The following ADAM22 variants were observed in gnomAD, a reference collection of about 807,000 sequenced individuals.
ADAM22 encodes the protein disintegrin and metalloproteinase domain-containing protein 22.
In ADAM22, 65 loss-of-function variants were observed where a neutral mutation model predicts 144.6. The ratio of observed to expected loss-of-function variants is 0.45; its 90% CI spans 0.37 to 0.55. The LOEUF is 0.55. ADAM22 is among the 20% of genes least tolerant of loss of function. The pLI is 0.00. For synonymous variants in ADAM22, 391 were observed against 412.6 expected (o/e 0.95, Z 0.63); for missense variants, 974 against 1,184.9 (o/e 0.82, Z 2.61).
chr7:87,996,652 A>G lies in ADAM22; in HGVS notation c.323+18240A>G, dbSNP rs2237538. Among the ~76,000 whole-genome samples the G allele has an allele frequency of 5.8e-3, 880 of 152,340 alleles. 13 individuals are homozygous for G. The highest frequency in any genetic ancestry group is 0.046 in the East Asian group (236 of 5,182). ...TGATCAGTGCAAGAGTTCATATAGAAAAAGGTTTACCCCATAAATTCTGGG... is the reference window on the plus strand; with the variant it reads ...TGATCAGTGCAAGAGTTCATATAGAGAAAGGTTTACCCCATAAATTCTGGG... On this transcript the variant is annotated intron_variant, in intron 3 of 31. Coordinates refer to ENST00000413139, the MANE Select transcript of ADAM22 (RefSeq NM_001324418.2).
chr7:87,964,565 A>G (rs1848637908), intron 2 of ADAM22: 5 of 381,328 alleles, frequency 1.3e-5, no homozygotes, highest in South Asian at 6.2e-5. Context: ...TAATTTGATT[A>G]TTTTTCAACC....
intron 4 of ADAM22, among the ~76,000 whole-genome samples, chr7:88,095,875 T>C (rs1003843041): frequency 1.3e-5 from 2 of 152,142 alleles, no homozygotes; most frequent in African/African-American, 4.8e-5. Context: ...TTGACTCTTT[T>C]ACTTGATCAA....
Position 88,154,060 on chromosome 7 carries a change from CT to C in ADAM22, c.1787+737del, listed in dbSNP as rs1286770543. Among the ~76,000 whole-genome samples, 6 of 152,326 alleles carry C rather than the reference CT, an allele frequency of 3.9e-5. No homozygotes were observed. In the East Asian group the frequency reaches 1.2e-3, roughly 29 times the overall value. ...ACTGTGTGCTAAGCACTGTATCACA[CT>C]TTACATAAGCTATGCCATTTAATCT... On this transcript the variant is annotated intron_variant, in intron 21 of 31. Transcript: ENST00000413139.
At chr7:87,955,126 C>T (rs1248573960) in intron 2 of ADAM22, among the ~76,000 whole-genome samples, 1 of 152,244 alleles carries the variant, frequency 6.6e-6, no homozygotes. Context: ...AAGCCTTCTT[C>T]TCTCAACTCG....
In ADAM22 at chr7:88,196,373, T is replaced by C. The variant is rs1176613074; in HGVS notation, c.2875-98T>C. The stretch of plus-strand genomic sequence containing the variant: ...AAGAGTGTGCATCCACAATCACATA[T>C]ATATGGATGGAATCACTGAATCTTT... On this transcript the variant is annotated intron_variant, in intron 31 of 31. Coordinates refer to ENST00000413139, the MANE Select transcript of ADAM22 (RefSeq NM_001324418.2). 8.1e-6 allele frequency: 11 copies of C among 1,359,770 alleles called. No individual in the cohort carries two copies. In the South Asian group the frequency reaches 1.2e-4, roughly 14 times the overall value. 84.2% of individuals were successfully genotyped at this position (1,359,770 alleles called of 1,614,324 possible).
intron 2 of ADAM22, among the ~76,000 whole-genome samples, chr7:87,974,819 A>G (rs1196655157): frequency 6.6e-6 from 1 of 152,148 alleles, no homozygotes; most frequent in African/African-American, 2.4e-5. Context: ...GCCCTAAGGG[A>G]GATTCATTCC....
At chr7:88,052,341 C>CAAA (rs58959590) in intron 3 of ADAM22, among the ~76,000 whole-genome samples, 1 of 126,444 alleles carries the variant, frequency 7.9e-6, no homozygotes. Context: ...ACTAAAAATG[C>CAAA]AAAAAAAAAA....
intron 27 of ADAM22, 23 bp from the exon 28 acceptor site, chr7:88,181,482 T>C: frequency 6.3e-7 from 1 of 1,599,678 alleles, no homozygotes; most frequent in Non-Finnish European, 8.6e-7. Flanking sequence ...TTTTGAACAA[T>C]TTATCAATAT....
At position 88,075,633 on chromosome 7, in the gene ADAM22, C is replaced by T. The variant is rs768661794; in HGVS notation, c.331C>T (p.Leu111=). 1.1e-5 allele frequency: 17 copies of T among 1,613,218 alleles called. No individual in the cohort carries two copies. The highest frequency in any genetic ancestry group is 1.3e-5 in the African/African-American group (1 of 74,880). ...TTATTTTTGTTGTTGCAGTGATTTG[C>T]TGTCCTCTGAATACATAGAGAGACA... ...ILDVVLNHDL[L]SSEYIERHIE... is the part of the protein sequence containing the mutation. Residue 111 remains leucine (L), a synonymous_variant, in exon 4 of 32, where the codon CTG becomes TTG. Transcript: ENST00000413139.
chr7:88,170,467 AAAG>A (rs1270774865), intron 25 of ADAM22, among the ~76,000 whole-genome samples: 2 of 151,904 alleles, frequency 1.3e-5, no homozygotes, highest in Admixed American at 1.3e-4. Context: ...AAAAAAAAAT[AAAG>A]TAGAATGCTC....
At chr7:88,035,321 C>T (rs975544049) in intron 3 of ADAM22, among the ~76,000 whole-genome samples, 26 of 152,118 alleles carry the variant, frequency 1.7e-4, no homozygotes, top group African/African-American at 6.0e-4. Flanking sequence ...TGGCTTGGGC[C>T]CTAGATCCAG....
At chr7:87,997,875 C>T (rs942939406) in intron 3 of ADAM22, among the ~76,000 whole-genome samples, 1 of 152,184 alleles carries the variant, frequency 6.6e-6, no homozygotes, top group Non-Finnish European at 1.5e-5. Flanking sequence ...GGAGTATTGA[C>T]TCACACAATC....
intron 3 of ADAM22, among the ~76,000 whole-genome samples, chr7:88,028,065 A>C (rs1434545696): frequency 6.6e-6 from 1 of 152,208 alleles, no homozygotes; most frequent in Non-Finnish European, 1.5e-5. Context: ...GATTACAGGC[A>C]TGAGCCACTG....
chr7:88,128,687 C>A lies in ADAM22; in HGVS notation c.753+11C>A. 6.2e-7 allele frequency: 1 copy of A among 1,608,784 alleles called. No homozygotes were observed. The highest frequency in any genetic ancestry group is 8.5e-7 in the Non-Finnish European group (1 of 1,176,422). On this transcript the variant is annotated intron_variant, in intron 9 of 31. Transcript: ENST00000413139. ...AATGATCACCTTATGGTAGGATTTG[C>A]TGTTGTTTTTAAGCCTGTTTGTGCC...
chr7:88,188,660 G>GT (rs1848890602), intron 30 of ADAM22, among the ~76,000 whole-genome samples: 1 of 152,308 alleles, frequency 6.6e-6, no homozygotes, highest in South Asian at 2.1e-4. Flanking sequence ...GGCCCAGAAC[G>GT]TTTAACACAG....
chr7:88,185,049 G>T lies in ADAM22; in HGVS notation c.2664-1566G>T, dbSNP rs140978498. Among the ~76,000 whole-genome samples the T allele has an allele frequency of 3.2e-3, 481 of 152,302 alleles. 1 individual carries two copies. The highest frequency in any genetic ancestry group is 0.01 in the Middle Eastern group (3 of 294). ...TGGGCTTTTTCTACGGTTTTCCCCAGGCCGGAGCATTCACTAGCCTTCATT... is the reference window on the plus strand; with the variant it reads ...TGGGCTTTTTCTACGGTTTTCCCCATGCCGGAGCATTCACTAGCCTTCATT... On this transcript the variant is annotated intron_variant, in intron 29 of 31. Coordinates refer to ENST00000413139, the MANE Select transcript of ADAM22 (RefSeq NM_001324418.2).
chr7:88,114,480 C>A, intron 5 of ADAM22, 104 bp from the exon 6 acceptor site: 3 of 967,382 alleles, frequency 3.1e-6, no homozygotes, highest in South Asian at 1.4e-5. Flanking sequence ...GGGAAATGGG[C>A]ATTGAGAAGC....
In ADAM22 at chr7:88,066,542, T is replaced by G. The variant is rs560602507; in HGVS notation, c.324-9084T>G. Reference sequence around the variant, plus strand: ...TAGTTGGATATATGATTCTGGTGTTTAGAGGAGAATTCTAAGCTGGAGAAA... The same window carrying G: ...TAGTTGGATATATGATTCTGGTGTTGAGAGGAGAATTCTAAGCTGGAGAAA... On this transcript the variant is annotated intron_variant, in intron 3 of 31. Transcript: ENST00000413139. Among the ~76,000 whole-genome samples the G allele has an allele frequency of 1.4e-3, 214 of 152,212 alleles. 1 individual carries two copies. The highest frequency in any genetic ancestry group is 4.8e-3 in the African/African-American group (199 of 41,552).
chr7:87,991,382 CG>C (rs1789828165), intron 3 of ADAM22, among the ~76,000 whole-genome samples: 1 of 109,210 alleles, frequency 9.2e-6, no homozygotes, highest in African/African-American at 3.7e-5. Flanking sequence ...TTTTTTGAGA[CG>C]GAGTCTCGCT....
Sources: gnomAD v4.1 joint callset for allele counts (sites outside exome capture counted in the v4.1 genomes callset) on GRCh38, gnomAD v4.1.1 for gene constraint, MANE v1.5 for transcripts, NCBI Gene and HGNC (gene_info 2026-07-23, HGNC 2026-07-21) for gene names.